PCDH15: variants seen among roughly 807,000 people sequenced by gnomAD.
PCDH15 encodes the protein protocadherin-15.
Under a neutral mutation model 178.5 loss-of-function variants are expected in PCDH15, and 129 were observed. The ratio of observed to expected loss-of-function variants is 0.72; its 90% CI spans 0.63 to 0.84. The LOEUF (loss-of-function observed/expected upper bound fraction) is 0.84, where lower values mean the gene tolerates loss of function less well. Ranked by LOEUF, PCDH15 falls within the 40% of genes least tolerant of loss-of-function variation. The pLI, the probability that PCDH15 is intolerant of heterozygous loss-of-function variation, is 0.00. For synonymous variants in PCDH15, 800 were observed against 732.0 expected (o/e 1.09, Z -1.50); for missense variants, 2,230 against 2,099.9 (o/e 1.06, Z -1.21).
At chr10:54,718,684 CTTTTTTTTTT>C (rs71461255) in intron 1 of PCDH15, among the ~76,000 whole-genome samples, 4 of 111,520 alleles carry the variant, frequency 3.6e-5, no homozygotes, top group Non-Finnish European at 7.0e-5. Flanking sequence ...CACACTGATT[CTTTTTTTTTT>C]TTTTTTTTTT....
chr10:55,072,465 A>G (rs1841774424), intron 2 of PCDH15, among the ~76,000 whole-genome samples: 1 of 152,166 alleles, frequency 6.6e-6, no homozygotes, highest in African/African-American at 2.4e-5. Flanking sequence ...GAATACTACG[A>G]ACACCTCTAC....
At chr10:54,138,899 A>G (rs1268188202) in intron 14 of PCDH15, among the ~76,000 whole-genome samples, 3 of 152,068 alleles carry the variant, frequency 2.0e-5, no homozygotes, top group African/African-American at 7.2e-5. Flanking sequence ...ATGTTCATGT[A>G]TTACGTTTTT....
At chr10:54,466,697 T>A (rs2136586451) in intron 3 of PCDH15, among the ~76,000 whole-genome samples, 1 of 152,088 alleles carries the variant, frequency 6.6e-6, no homozygotes, top group Non-Finnish European at 1.5e-5. Context: ...TTTCTATTTT[T>A]GTAAAATTGC....
intron 2 of PCDH15, among the ~76,000 whole-genome samples, chr10:54,535,927 C>A (rs1004806260): frequency 6.6e-6 from 1 of 151,996 alleles, no homozygotes; most frequent in African/African-American, 2.4e-5. Context: ...ATACATAATT[C>A]TCTTACATAT....
intron 18 of PCDH15, among the ~76,000 whole-genome samples, chr10:54,044,029 G>A (rs1284125905): frequency 1.3e-5 from 2 of 152,098 alleles, no homozygotes; most frequent in African/African-American, 2.4e-5. Flanking sequence ...CCTGCTATGA[G>A]TAGAAAAGGA....
At chr10:54,884,728 A>T (rs1178004594) in intron 3 of PCDH15, among the ~76,000 whole-genome samples, 1 of 151,934 alleles carries the variant, frequency 6.6e-6, no homozygotes. Context: ...ATTGTTTGAA[A>T]TGTCTTGAAA....
chr10:54,672,045 T>A (rs535635099), intron 1 of PCDH15, among the ~76,000 whole-genome samples: 4 of 152,064 alleles, frequency 2.6e-5, no homozygotes, highest in African/African-American at 9.7e-5. Context: ...TATTGTGAAC[T>A]GCACATACAA....
At chr10:55,126,006 T>C (rs530276607) in intron 2 of PCDH15, among the ~76,000 whole-genome samples, 1 of 152,202 alleles carries the variant, frequency 6.6e-6, no homozygotes, top group Admixed American at 6.6e-5. Context: ...TTGCAATGTA[T>C]TTCCATTGAC....
At chr10:54,762,109 T>G (rs1416846818) in intron 1 of PCDH15, among the ~76,000 whole-genome samples, 1 of 152,104 alleles carries the variant, frequency 6.6e-6, no homozygotes, top group Non-Finnish European at 1.5e-5. Flanking sequence ...TGAATCACAT[T>G]TTACCTATGT....
chr10:55,556,012 T>C (rs938509171), intron 2 of PCDH15, among the ~76,000 whole-genome samples: 5 of 152,164 alleles, frequency 3.3e-5, no homozygotes, highest in African/African-American at 7.2e-5. Context: ...ATTTTTTGCA[T>C]ATTTCAAACT....
At chr10:54,675,648 T>G (rs1484904999) in intron 1 of PCDH15, among the ~76,000 whole-genome samples, 2 of 152,188 alleles carry the variant, frequency 1.3e-5, no homozygotes, top group Non-Finnish European at 1.5e-5. Flanking sequence ...CCCCCAAGTA[T>G]AGGTCAAATA....
At chr10:55,525,884 C>A (rs1841292054) in intron 2 of PCDH15, among the ~76,000 whole-genome samples, 1 of 151,854 alleles carries the variant, frequency 6.6e-6, no homozygotes, top group South Asian at 2.1e-4. Context: ...CAGAGAGAAG[C>A]AAACTGAAAC....
chr10:55,560,213 A>T (rs1842169498), intron 2 of PCDH15, among the ~76,000 whole-genome samples: 1 of 151,922 alleles, frequency 6.6e-6, no homozygotes, highest in Admixed American at 6.6e-5. Context: ...CAGCCAGTAG[A>T]GGACATAATG....
At chr10:54,350,460 C>G (rs987766767) in intron 5 of PCDH15, among the ~76,000 whole-genome samples, 1 of 152,124 alleles carries the variant, frequency 6.6e-6, no homozygotes, top group Non-Finnish European at 1.5e-5. Flanking sequence ...ATCAGTCATA[C>G]ATTTTTCTCA....
chr10:54,706,674 A>G (rs1415723547), intron 1 of PCDH15, among the ~76,000 whole-genome samples: 1 of 152,188 alleles, frequency 6.6e-6, no homozygotes, highest in African/African-American at 2.4e-5. Flanking sequence ...CCCAGGCTGT[A>G]GTGCAGTGGC....
intron 3 of PCDH15, among the ~76,000 whole-genome samples, chr10:54,491,381 G>A (rs1417037285): frequency 1.3e-5 from 2 of 149,058 alleles, no homozygotes. Context: ...AATTCACACA[G>A]TTAACAACTG....
At chr10:54,948,823 A>G (rs548557199) in intron 2 of PCDH15, among the ~76,000 whole-genome samples, 99 of 152,036 alleles carry the variant, frequency 6.5e-4, no homozygotes, top group African/African-American at 2.3e-3. Flanking sequence ...TAAAATGTCA[A>G]TATCATCCAG....
chr10:54,557,784 T>A lies in PCDH15; in HGVS notation c.92-29907A>T, dbSNP rs562554509. The stretch of plus-strand genomic sequence containing the variant: ...TATTAAGAAAATATGGGAAATTTTT[T>A]AAAAATTACAAGACAAGGTGATAAA... On this transcript the variant is annotated intron_variant, in intron 2 of 37. Coordinates refer to ENST00000644397, the MANE Select transcript of PCDH15 (RefSeq NM_001384140.1). Among the ~76,000 whole-genome samples the A allele has an allele frequency of 7.2e-5, 11 of 152,250 alleles. No individual in the cohort carries two copies. In the East Asian group the frequency reaches 1.7e-3, roughly 24 times the overall value.
rs543091055 is a variant in PCDH15 at position 55,504,386 on chromosome 10, A to C, written c.-156+123239T>G. ...GATATATTTCATTATTTTTAAAAAT[A>C]ACTAAAAAGTGCTCACATATTGTAA... On this transcript the variant is annotated intron_variant, in intron 2 of 5. Transcript: ENST00000613346. 2.6e-3 allele frequency among the ~76,000 whole-genome samples: 387 copies of C among 151,600 alleles called. 1 individual carries two copies. Among genetic ancestry groups the C allele is most frequent in the African/African-American group, 8.7e-3 (359 of 41,486 alleles).
Sources: allele counts gnomAD v4.1 joint callset (sites outside exome capture counted in the v4.1 genomes callset), GRCh38; gene constraint gnomAD v4.1.1; transcripts MANE v1.5; gene names NCBI Gene and HGNC (gene_info 2026-07-23, HGNC 2026-07-21).